The following SH3BGRL2 variants were observed in gnomAD, a reference collection of about 807,000 sequenced individuals.
SH3BGRL2 encodes the protein SH3 domain binding glutamate rich protein like 2, also known as SH3 domain-binding glutamic acid-rich-like protein 2.
In SH3BGRL2, 21 loss-of-function variants were observed where a neutral mutation model predicts 14.8. That is an observed-to-expected ratio of 1.42 (90% CI 1.01 to 2.05). The LOEUF (loss-of-function observed/expected upper bound fraction) is 2.05. Among genes scored for constraint, SH3BGRL2 ranks in the 30% most tolerant of loss-of-function variants. The pLI, the probability that SH3BGRL2 is intolerant of heterozygous loss-of-function variation, is 0.00. For synonymous variants in SH3BGRL2, 50 were observed against 47.8 expected (o/e 1.05, Z -0.19); for missense variants, 147 against 130.8 (o/e 1.12, Z -0.61).
the SH3BGRL2 span, among the ~76,000 whole-genome samples, chr6:79,616,658 AC>A: frequency 1.3e-5 from 2 of 152,192 alleles, no homozygotes; most frequent in Admixed American, 6.5e-5. Flanking sequence ...ACTAGAAAGA[AC>A]AACAATGCCT....
chr6:79,599,007 G>T, the SH3BGRL2 span, among the ~76,000 whole-genome samples: 1 of 151,290 alleles, frequency 6.6e-6, no homozygotes, highest in South Asian at 2.1e-4. Flanking sequence ...CTTGAACCTG[G>T]GAGGCAGAGG....
At chr6:79,560,730 A>G in the SH3BGRL2 span, among the ~76,000 whole-genome samples, 1 of 152,232 alleles carries the variant, frequency 6.6e-6, no homozygotes, top group African/African-American at 2.4e-5. Flanking sequence ...CAAGGAGCAG[A>G]AAGTACAACT....
At chr6:79,660,011 G>T (rs2127729024) in intron 1 of SH3BGRL2, among the ~76,000 whole-genome samples, 1 of 152,338 alleles carries the variant, frequency 6.6e-6, no homozygotes, top group Admixed American at 6.5e-5. Context: ...CTTTGCTGAA[G>T]TTGCTTATCA....
At position 79,639,826 on chromosome 6, in the gene SH3BGRL2, A is replaced by G. The variant is rs1455528474; in HGVS notation, c.45+8320A>G. ...AGAGTTAGTTAGAGATTTAAGTTCTATTTAAGCCACATTCCTGTATTCATT... is the reference window on the plus strand; with the variant it reads ...AGAGTTAGTTAGAGATTTAAGTTCTGTTTAAGCCACATTCCTGTATTCATT... On this transcript the variant is annotated intron_variant, in intron 1 of 3. Transcript: ENST00000369838. Among the ~76,000 whole-genome samples the G allele has an allele frequency of 4.6e-5, 7 of 152,178 alleles. No homozygotes were observed. The East Asian group carries it at 1.2e-3, about 25-fold the overall frequency.
chr6:79,668,590 C>T (rs1769708926), intron 1 of SH3BGRL2, among the ~76,000 whole-genome samples: 1 of 151,954 alleles, frequency 6.6e-6, no homozygotes, highest in Non-Finnish European at 1.5e-5. Context: ...TTCAGAGCTC[C>T]TGAAGTTAGT....
At chr6:79,545,815 G>A in the SH3BGRL2 span, among the ~76,000 whole-genome samples, 1 of 152,160 alleles carries the variant, frequency 6.6e-6, no homozygotes, top group African/African-American at 2.4e-5. Context: ...AGCTAAGCCT[G>A]ATGGTAGTCT....
intron 1 of SH3BGRL2, among the ~76,000 whole-genome samples, chr6:79,646,853 T>C (rs1769153856): frequency 6.6e-6 from 1 of 152,242 alleles, no homozygotes; most frequent in African/African-American, 2.4e-5. Context: ...ATTCATGTTG[T>C]AGAATGTATT....
chr6:79,596,520 C>T, the SH3BGRL2 span, among the ~76,000 whole-genome samples: 1 of 152,182 alleles, frequency 6.6e-6, no homozygotes, highest in Non-Finnish European at 1.5e-5. Context: ...GTCTTGAACT[C>T]CTGGGCTCAA....
chr6:79,546,725 GTCT>G, the SH3BGRL2 span, among the ~76,000 whole-genome samples: 9 of 149,744 alleles, frequency 6.0e-5, no homozygotes, highest in Non-Finnish European at 1.0e-4. Context: ...TCGAGATGAA[GTCT>G]TCTTCTGTCA....
intron 1 of SH3BGRL2, among the ~76,000 whole-genome samples, chr6:79,670,364 G>C (rs141620002): frequency 6.6e-6 from 1 of 152,218 alleles, no homozygotes; most frequent in African/African-American, 2.4e-5. Context: ...TTGAATGTTA[G>C]GGTGAAATGC....
chr6:79,699,692 A>G lies in SH3BGRL2; in HGVS notation c.*183A>G, dbSNP rs1231786229. The G allele has an allele frequency of 2.5e-6, 2 of 808,640 alleles. No individual in the cohort carries two copies. The highest frequency in any genetic ancestry group is 3.5e-6 in the Non-Finnish European group (2 of 569,770). The allele number at this position is 808,640 out of a possible 1,614,324, so 50.1% of individuals were successfully genotyped here. A position where few individuals can be genotyped will look rare whatever the true frequency, so the allele number is the denominator to read the frequency against. On this transcript the variant is annotated 3_prime_UTR_variant, in exon 4 of 4. Transcript: ENST00000369838. Reference sequence around the variant, plus strand: ...GAGAATTGCATGATTGCTTTAAACCAAATCAGGTGGTGGATTTTTTTTTTC... The same window carrying G: ...GAGAATTGCATGATTGCTTTAAACCGAATCAGGTGGTGGATTTTTTTTTTC...
the SH3BGRL2 span, among the ~76,000 whole-genome samples, chr6:79,549,551 A>C: frequency 1.2e-4 from 19 of 152,298 alleles, no homozygotes; most frequent in South Asian, 3.1e-3. Context: ...ACAATTGCCT[A>C]CAGTATTCAG....
the SH3BGRL2 span, among the ~76,000 whole-genome samples, chr6:79,560,209 G>A: frequency 6.6e-6 from 1 of 152,114 alleles, no homozygotes; most frequent in Non-Finnish European, 1.5e-5. Flanking sequence ...AGTAAAGGAA[G>A]CAGTTTAGAC....
the SH3BGRL2 span, among the ~76,000 whole-genome samples, chr6:79,589,338 G>T: frequency 6.6e-6 from 1 of 151,356 alleles, no homozygotes; most frequent in East Asian, 1.9e-4. Context: ...TTATTTAATG[G>T]TTACAAAATA....
intron 2 of SH3BGRL2, among the ~76,000 whole-genome samples, chr6:79,689,977 G>GTTTGTT (rs1770176722): frequency 1.3e-5 from 2 of 151,980 alleles, no homozygotes; most frequent in South Asian, 2.1e-4. Context: ...CATTAGAGTT[G>GTTTGTT]TTTGTTTTTG....
At position 79,636,966 on chromosome 6, in the gene SH3BGRL2, T is replaced by C. The variant is rs573441739; in HGVS notation, c.45+5460T>C. Among the ~76,000 whole-genome samples, 3 of 152,310 alleles carry C rather than the reference T, an allele frequency of 2.0e-5. No homozygotes were observed. The East Asian group carries it at 5.8e-4, about 29-fold the overall frequency. The stretch of plus-strand genomic sequence containing the variant: ...TACTGGGGGTTAGGACCTCAGTATC[T>C]TTTGGGTGAGACATAACTCAACACA... On this transcript the variant is annotated intron_variant, in intron 1 of 3. Coordinates refer to ENST00000369838, the MANE Select transcript of SH3BGRL2 (RefSeq NM_031469.4).
intron 2 of SH3BGRL2, among the ~76,000 whole-genome samples, chr6:79,690,370 G>A (rs1770188132): frequency 6.6e-6 from 1 of 152,102 alleles, no homozygotes; most frequent in South Asian, 2.1e-4. Flanking sequence ...TGATGATCAA[G>A]TTACTAGCCC....
chr6:79,589,727 TA>T, the SH3BGRL2 span, among the ~76,000 whole-genome samples: 1 of 152,044 alleles, frequency 6.6e-6, no homozygotes, highest in Admixed American at 6.6e-5. Flanking sequence ...AAGAGTGGAA[TA>T]AAAAAAACTA....
At chr6:79,691,022 G>A (rs1649050679) in intron 2 of SH3BGRL2, among the ~76,000 whole-genome samples, 1 of 152,036 alleles carries the variant, frequency 6.6e-6, no homozygotes, top group South Asian at 2.1e-4. Context: ...GGGTGTGGTG[G>A]TGTGCACCTG....
Sources: allele counts gnomAD v4.1 joint callset (sites outside exome capture counted in the v4.1 genomes callset), GRCh38; gene constraint gnomAD v4.1.1; transcripts MANE v1.5; gene names NCBI Gene and HGNC (gene_info 2026-07-23, HGNC 2026-07-21).